Variants in LHFPL3 observed in about 807,000 individuals in gnomAD.
The protein encoded by LHFPL3 is LHFPL tetraspan subfamily member 3.
Under a neutral mutation model 19.3 loss-of-function variants are expected in LHFPL3, and 5 were observed. The ratio of observed to expected loss-of-function variants is 0.26; its 90% CI spans 0.14 to 0.54. The LOEUF (loss-of-function observed/expected upper bound fraction) is 0.54. LHFPL3 is among the 20% of genes least tolerant of loss of function. LHFPL3 has a pLI of 0.94. For synonymous variants in LHFPL3, 133 were observed against 126.2 expected (o/e 1.05, Z -0.36); for missense variants, 249 against 307.4 (o/e 0.81, Z 1.42).
At chr7:104,513,631 C>G (rs989053697) in intron 1 of LHFPL3, among the ~76,000 whole-genome samples, 2 of 152,182 alleles carry the variant, frequency 1.3e-5, no homozygotes, top group African/African-American at 4.8e-5. Context: ...CGGAGAATGA[C>G]AAATTCAAAT....
chr7:104,430,438 A>ACATATATATATATACATATATATATATG (rs1562895315), intron 1 of LHFPL3, among the ~76,000 whole-genome samples: 1 of 15,092 alleles, frequency 6.6e-5, no homozygotes, highest in Non-Finnish European at 1.1e-4. Context: ...ATATATATAT[A>ACATATATATATATACATATATATATATG]TATATATATA....
intron 2 of LHFPL3, among the ~76,000 whole-genome samples, chr7:104,881,442 C>T (rs1170017831): frequency 2.0e-5 from 3 of 152,076 alleles, no homozygotes; most frequent in South Asian, 2.1e-4. Context: ...TCAAGACTTC[C>T]GTGGAGGAAG....
At chr7:104,660,787 C>A (rs1028513317) in intron 1 of LHFPL3, among the ~76,000 whole-genome samples, 27 of 152,182 alleles carry the variant, frequency 1.8e-4, no homozygotes, top group African/African-American at 6.3e-4. Context: ...GCCCTTTAGG[C>A]ATCAATATTC....
intron 1 of LHFPL3, among the ~76,000 whole-genome samples, chr7:104,629,999 T>C (rs1689531387): frequency 6.6e-6 from 1 of 152,188 alleles, no homozygotes; most frequent in African/African-American, 2.4e-5. Flanking sequence ...GAGCTAAAAG[T>C]TCCAGCTGTC....
chr7:104,642,487 A>G (rs1188652614), intron 1 of LHFPL3, among the ~76,000 whole-genome samples: 1 of 152,210 alleles, frequency 6.6e-6, no homozygotes, highest in African/African-American at 2.4e-5. Flanking sequence ...ATGGTAGAGA[A>G]CAAACATAAA....
chr7:104,793,766 G>T (rs568306002), intron 2 of LHFPL3, among the ~76,000 whole-genome samples: 31 of 152,292 alleles, frequency 2.0e-4, no homozygotes, highest in African/African-American at 6.7e-4. Context: ...TGTCAAAATT[G>T]AATGTGGTTT....
chr7:104,430,455 T>TATATATATATA (rs1491561052), intron 1 of LHFPL3, among the ~76,000 whole-genome samples: 5 of 11,400 alleles, frequency 4.4e-4, no homozygotes, highest in Non-Finnish European at 5.8e-4. Context: ...TATATATATA[T>TATATATATATA]TTTTTTTTTT....
intron 1 of LHFPL3, among the ~76,000 whole-genome samples, chr7:104,464,081 G>T (rs966679048): frequency 6.6e-6 from 1 of 152,206 alleles, no homozygotes; most frequent in African/African-American, 2.4e-5. Context: ...CAAATACACG[G>T]ATTCCAAATA....
intron 1 of LHFPL3, among the ~76,000 whole-genome samples, chr7:104,724,644 A>G (rs1793558113): frequency 1.3e-5 from 2 of 152,242 alleles, no homozygotes; most frequent in South Asian, 4.1e-4. Context: ...ACCAGGAAAA[A>G]TAACTAATGG....
At chr7:104,346,189 C>A (rs1790061501) in intron 1 of LHFPL3, among the ~76,000 whole-genome samples, 1 of 151,916 alleles carries the variant, frequency 6.6e-6, no homozygotes, top group African/African-American at 2.4e-5. Context: ...GCACGTGCTA[C>A]CATGCCTGGC....
intron 2 of LHFPL3, among the ~76,000 whole-genome samples, chr7:104,876,152 T>C (rs1791934911): frequency 6.6e-6 from 1 of 152,172 alleles, no homozygotes; most frequent in African/African-American, 2.4e-5. Context: ...AAGACTTAAA[T>C]GTTAGACCTA....
intron 2 of LHFPL3, among the ~76,000 whole-genome samples, chr7:104,837,502 A>G (rs1203974750): frequency 6.6e-6 from 1 of 152,244 alleles, no homozygotes; most frequent in African/African-American, 2.4e-5. Flanking sequence ...TTCAATCCTC[A>G]TTAATAATCC....
intron 2 of LHFPL3, among the ~76,000 whole-genome samples, chr7:104,812,808 A>G: frequency 1.9e-5 from 1 of 53,456 alleles, no homozygotes; most frequent in Admixed American, 2.2e-4. Flanking sequence ...CATCTCAAAA[A>G]AAAAAAAAAA....
At chr7:104,599,003 T>A (rs147071796) in intron 1 of LHFPL3, among the ~76,000 whole-genome samples, 1 of 152,340 alleles carries the variant, frequency 6.6e-6, no homozygotes, top group Non-Finnish European at 1.5e-5. Context: ...AATTTTTATC[T>A]CTTAATTCCA....
At chr7:104,672,038 C>A (rs941595656) in intron 1 of LHFPL3, among the ~76,000 whole-genome samples, 15 of 147,362 alleles carry the variant, frequency 1.0e-4, no homozygotes, top group African/African-American at 3.9e-4. Flanking sequence ...TTTTTTCCTT[C>A]TTCAAAACTT....
chr7:104,693,801 T>C lies in LHFPL3; in HGVS notation c.446-42874T>C, dbSNP rs188587127. On this transcript the variant is annotated intron_variant, in intron 1 of 2. Coordinates refer to ENST00000424859, the MANE Select transcript of LHFPL3 (RefSeq NM_199000.3). ...CGCCCTGCTAATTGTGGGGTTTTTT[T>C]TTTGTATTTTTAGTAGAGATGGGGT... Among the ~76,000 whole-genome samples, 991 of 151,560 alleles carry C rather than the reference T, an allele frequency of 6.5e-3. 11 individuals are homozygous for C. The highest frequency in any genetic ancestry group is 0.022 in the African/African-American group (917 of 41,328).
chr7:104,754,152 A>T (rs1421641189), intron 2 of LHFPL3, among the ~76,000 whole-genome samples: 2 of 152,174 alleles, frequency 1.3e-5, no homozygotes, highest in Non-Finnish European at 2.9e-5. Flanking sequence ...ATGGAGTACT[A>T]GGTAGCAGGT....
intron 1 of LHFPL3, among the ~76,000 whole-genome samples, chr7:104,516,684 T>C (rs1484455075): frequency 1.3e-5 from 2 of 152,164 alleles, no homozygotes; most frequent in Non-Finnish European, 2.9e-5. Context: ...GGAATGCTTA[T>C]ACACTGTTGG....
intron 1 of LHFPL3, among the ~76,000 whole-genome samples, chr7:104,610,873 G>C (rs1200280180): frequency 6.6e-6 from 1 of 152,216 alleles, no homozygotes; most frequent in Non-Finnish European, 1.5e-5. Context: ...TATAAGATGA[G>C]TAACAAAAAG....
Sources: allele counts gnomAD v4.1 joint callset (sites outside exome capture counted in the v4.1 genomes callset), GRCh38; gene constraint gnomAD v4.1.1; transcripts MANE v1.5; gene names NCBI Gene and HGNC (gene_info 2026-07-23, HGNC 2026-07-21).